The following CYP11A1 variants were observed in gnomAD, a reference collection of about 807,000 sequenced individuals.
CYP11A1 encodes cholesterol side-chain cleavage enzyme, mitochondrial.
In CYP11A1, 25 loss-of-function variants were observed where a neutral mutation model predicts 51.9. That is an observed-to-expected ratio of 0.48 (90% CI 0.35 to 0.67). CYP11A1 has a LOEUF of 0.67. Among genes scored for constraint, CYP11A1 ranks in the 30% least tolerant of loss-of-function variants. CYP11A1 has a pLI of 0.00. For missense variants in CYP11A1, 578 were observed against 680.9 expected, an observed-to-expected ratio of 0.85 and a Z score of 1.68; for synonymous variants, 245 against 262.1, an observed-to-expected ratio of 0.93 and a Z score of 0.63.
intron 1 of CYP11A1, chr15:74,361,641 A>C: frequency 8.3e-7 from 1 of 1,197,856 alleles, no homozygotes; most frequent in Non-Finnish European, 1.2e-6. Context: ...CAAGATTCCA[A>C]AAACAGCAGA....
At chr15:74,352,262 A>G (rs992357540) in intron 1 of CYP11A1, among the ~76,000 whole-genome samples, 10 of 130,526 alleles carry the variant, frequency 7.7e-5, no homozygotes, top group African/African-American at 2.8e-4. Flanking sequence ...TGTCTTTGCT[A>G]TCTTTTTTTT....
intron 1 of CYP11A1, among the ~76,000 whole-genome samples, chr15:74,360,341 C>T (rs1429408969): frequency 1.3e-5 from 2 of 151,920 alleles, no homozygotes; most frequent in Non-Finnish European, 1.5e-5. Context: ...AGTGCAGTGG[C>T]GCAATCTCGG....
At chr15:74,338,140 G>A (rs41543216) in intron 8 of CYP11A1, 37 bp from the exon 9 acceptor site, 2 of 1,613,808 alleles carry the variant, frequency 1.2e-6, no homozygotes, top group Non-Finnish European at 1.7e-6. Flanking sequence ...GGGAGGGCAG[G>A]GGAGGATCTG....
chr15:74,360,616 T>C (rs1039828632), intron 1 of CYP11A1, among the ~76,000 whole-genome samples: 1 of 150,244 alleles, frequency 6.7e-6, no homozygotes, highest in Non-Finnish European at 1.5e-5. Context: ...AAATTCGCCA[T>C]TATAGGCCAG....
At position 74,348,072 on chromosome 15, in the gene CYP11A1, G is replaced by C. The variant is rs1308097539; in HGVS notation, c.270-17C>G. 6.2e-7 allele frequency: 1 copy of C among 1,613,642 alleles called. No homozygotes were observed. ...AGCTTCTCCCTGGAGGGGTGGGGGA[G>C]AGGGGCTGATGGAAGGATCCGAGGA... On this transcript the variant is annotated splice_polypyrimidine_tract_variant and intron_variant, in intron 1 of 8. Coordinates refer to ENST00000268053, the MANE Select transcript of CYP11A1 (RefSeq NM_000781.3).
At chr15:74,346,044 G>A (rs1446902510) in intron 2 of CYP11A1, among the ~76,000 whole-genome samples, 1 of 152,084 alleles carries the variant, frequency 6.6e-6, no homozygotes, top group Non-Finnish European at 1.5e-5. Flanking sequence ...ATATATACTA[G>A]TGTTTAACTT....
At chr15:74,340,179 G>A (rs1348938697) in intron 5 of CYP11A1, among the ~76,000 whole-genome samples, 1 of 152,234 alleles carries the variant, frequency 6.6e-6, no homozygotes, top group Non-Finnish European at 1.5e-5. Context: ...CCTCTTTCCA[G>A]TAGAACTTCC....
At chr15:74,350,743 A>C (rs1455291359) in intron 1 of CYP11A1, 1 of 152,018 alleles carries the variant, frequency 6.6e-6, no homozygotes, top group Non-Finnish European at 1.5e-5. Context: ...ACTCCCAAAA[A>C]TTCTGTTAAC....
chr15:74,343,822 G>T lies in CYP11A1; in HGVS notation c.796C>A (p.His266Asn), dbSNP rs779269933. The T allele has an allele frequency of 6.2e-7, 1 of 1,613,192 alleles. No individual in the cohort carries two copies. Among genetic ancestry groups the T allele is most frequent in the Non-Finnish European group, 8.5e-7 (1 of 1,180,000 alleles). Residue 266 changes from histidine (H) to asparagine (N), a missense_variant, in exon 4 of 9, where the codon CAT becomes AAT. Coordinates refer to ENST00000268053, the MANE Select transcript of CYP11A1 (RefSeq NM_000781.3). ...AAAATCACGTCCCATGCAGCCACAT[G>T]GTCCTTCCAGGTCTTGGTCCTGAAC... ...RLFRTKTWKD[H>N]VAAWDVIFSK... is the part of the protein sequence containing the mutation.
intron 1 of CYP11A1, chr15:74,363,830 C>G (rs1311325534): frequency 6.6e-6 from 1 of 152,174 alleles, no homozygotes; most frequent in Non-Finnish European, 1.5e-5. Flanking sequence ...TGGTCACACT[C>G]TCACCTAAGT....
chr15:74,351,342 A>G (rs545707644), intron 1 of CYP11A1, among the ~76,000 whole-genome samples: 41 of 152,138 alleles, frequency 2.7e-4, no homozygotes, highest in African/African-American at 9.6e-4. Flanking sequence ...TTTTTTGCCT[A>G]TGGTTCCTGA....
chr15:74,346,961 G>A (rs747722092), intron 2 of CYP11A1, among the ~76,000 whole-genome samples: 4 of 151,868 alleles, frequency 2.6e-5, no homozygotes, highest in East Asian at 2.0e-4. Flanking sequence ...CCACCACATC[G>A]GCTAATTTTT....
chr15:74,347,090 G>A (rs1422340887), intron 2 of CYP11A1, among the ~76,000 whole-genome samples: 1 of 152,096 alleles, frequency 6.6e-6, no homozygotes, highest in Non-Finnish European at 1.5e-5. Context: ...ACAGGCATGA[G>A]CCAATGCGCC....
chr15:74,346,800 CTTTT>C (rs1046360822), intron 2 of CYP11A1, among the ~76,000 whole-genome samples: 6 of 131,748 alleles, frequency 4.6e-5, no homozygotes, highest in African/African-American at 5.7e-5. Flanking sequence ...CTTTTCTTTT[CTTTT>C]TTTTTTTTTT....
intron 1 of CYP11A1, among the ~76,000 whole-genome samples, chr15:74,358,768 C>T (rs1224371949): frequency 1.3e-5 from 2 of 152,226 alleles, no homozygotes; most frequent in African/African-American, 4.8e-5. Context: ...CTTCCTACCT[C>T]TATACAGTCT....
intron 1 of CYP11A1, chr15:74,362,064 A>G: frequency 1.4e-6 from 2 of 1,438,416 alleles, no homozygotes; most frequent in Non-Finnish European, 1.9e-6. Context: ...CTTGTGTTTT[A>G]TCTTAACCAC....
intron 1 of CYP11A1, among the ~76,000 whole-genome samples, chr15:74,355,330 C>A (rs2060674340): frequency 6.6e-6 from 1 of 152,178 alleles, no homozygotes; most frequent in African/African-American, 2.4e-5. Context: ...CTTTCGATTT[C>A]TCCATCCTAC....
chr15:74,355,176 C>T (rs945630168), intron 1 of CYP11A1, among the ~76,000 whole-genome samples: 3 of 152,044 alleles, frequency 2.0e-5, no homozygotes, highest in Non-Finnish European at 4.4e-5. Flanking sequence ...ATTCCTCCCT[C>T]TTCTCCCTTA....
rs2060629477 is a variant in CYP11A1, at chr15:74,345,608, C to T, written c.426-365G>A. Reference sequence around the variant, plus strand: ...CATGCCACTCCCACTTCCTCCTGGCCGATGCTCACCTTTGACACTCCAGGG... The same window carrying T: ...CATGCCACTCCCACTTCCTCCTGGCTGATGCTCACCTTTGACACTCCAGGG... On this transcript the variant is annotated intron_variant, in intron 2 of 8. Coordinates refer to ENST00000268053, the MANE Select transcript of CYP11A1 (RefSeq NM_000781.3). The surrounding 1 kb of genome is among the most constrained non-coding windows in gnomAD (Gnocchi z 4.3). 6.6e-6 allele frequency among the ~76,000 whole-genome samples: 1 copy of T among 152,122 alleles called. No homozygotes were observed. The highest frequency in any genetic ancestry group is 1.9e-4 in the East Asian group (1 of 5,188).
Sources: allele counts gnomAD v4.1 joint callset (sites outside exome capture counted in the v4.1 genomes callset), GRCh38; gene constraint gnomAD v4.1.1; non-coding constraint Gnocchi (gnomAD v3.1); transcripts MANE v1.5; gene names NCBI Gene and HGNC (gene_info 2026-07-23, HGNC 2026-07-21).